TBC1D22A: variants seen among roughly 807,000 people sequenced by gnomAD.
TBC1D22A encodes the protein putative GTPase activator.
A neutral mutation model predicts 60.2 loss-of-function variants in TBC1D22A; 38 were observed. The observed-to-expected ratio is 0.63, with a 90% CI of 0.49 to 0.83. The LOEUF is 0.83. Ranked by LOEUF, TBC1D22A falls within the 40% of genes least tolerant of loss-of-function variation. TBC1D22A has a pLI of 0.00. For synonymous variants in TBC1D22A, 302 were observed against 281.7 expected (o/e 1.07, Z -0.72); for missense variants, 628 against 701.0 (o/e 0.90, Z 1.18).
chr22:46,997,235 T>C (rs149522024), intron 9 of TBC1D22A, among the ~76,000 whole-genome samples: 3 of 152,372 alleles, frequency 2.0e-5, no homozygotes, highest in African/African-American at 7.2e-5. Context: ...TTGCCGTTGG[T>C]TCCCGGCAGG....
intron 10 of TBC1D22A, among the ~76,000 whole-genome samples, chr22:47,011,854 C>G (rs1357774787): frequency 6.6e-6 from 1 of 152,016 alleles, no homozygotes; most frequent in East Asian, 1.9e-4. Context: ...ACCAGTGCAG[C>G]CTATGCTGCT....
At chr22:46,999,064 C>T (rs1357173597) in intron 10 of TBC1D22A, among the ~76,000 whole-genome samples, 1 of 152,164 alleles carries the variant, frequency 6.6e-6, no homozygotes, top group African/African-American at 2.4e-5. Flanking sequence ...TGAGCAGGTT[C>T]CTCCTTTTCC....
intron 1 of TBC1D22A, among the ~76,000 whole-genome samples, chr22:46,770,080 G>C (rs1008922818): frequency 6.6e-6 from 1 of 152,178 alleles, no homozygotes; most frequent in Admixed American, 6.5e-5. Flanking sequence ...CCTGAAATGG[G>C]GGAATTGTCC....
At chr22:47,137,858 G>A (rs375012143) in intron 12 of TBC1D22A, among the ~76,000 whole-genome samples, 6 of 152,208 alleles carry the variant, frequency 3.9e-5, no homozygotes, top group South Asian at 2.1e-4. Context: ...GCGGGGAGCC[G>A]GGAGTGGGGA....
At chr22:46,824,806 C>G (rs2085978928) in intron 4 of TBC1D22A, among the ~76,000 whole-genome samples, 1 of 151,944 alleles carries the variant, frequency 6.6e-6, no homozygotes, top group Non-Finnish European at 1.5e-5. Flanking sequence ...TCAGGAGTGG[C>G]TGTTGAGGAT....
In TBC1D22A at chr22:46,933,178, A is replaced by G. The variant is rs2071452008; in HGVS notation, c.1015+20990A>G. Among the ~76,000 whole-genome samples the G allele has an allele frequency of 2.0e-5, 3 of 152,258 alleles. No individual in the cohort carries two copies. In the South Asian group the frequency reaches 6.2e-4, roughly 32 times the overall value. ...CTTCCATTCCTATCTTTGAGCTGTT[A>G]GGATCCATCAGCAGTTCTAGCAGGT... On this transcript the variant is annotated intron_variant, in intron 8 of 12. Transcript: ENST00000337137.
chr22:46,897,961 A>G (rs2068775132), intron 7 of TBC1D22A, among the ~76,000 whole-genome samples: 1 of 152,324 alleles, frequency 6.6e-6, no homozygotes, highest in East Asian at 1.9e-4. Flanking sequence ...GTAGAATACA[A>G]AAAGAGAAAA....
intron 12 of TBC1D22A, among the ~76,000 whole-genome samples, chr22:47,129,347 C>A (rs919131562): frequency 1.3e-5 from 2 of 152,170 alleles, no homozygotes; most frequent in Admixed American, 1.3e-4. Flanking sequence ...CGTGGTAGCA[C>A]GTGCCTGTAA....
At chr22:46,858,967 CGATAGAGGT>C in intron 4 of TBC1D22A, among the ~76,000 whole-genome samples, 1 of 148,334 alleles carries the variant, frequency 6.7e-6, no homozygotes, top group South Asian at 2.1e-4. Context: ...GAATCCTTTT[CGATAGAGGT>C]CTGTGTAGTG....
chr22:46,796,650 G>A (rs2084666687), intron 3 of TBC1D22A, among the ~76,000 whole-genome samples: 1 of 151,316 alleles, frequency 6.6e-6, no homozygotes, highest in Non-Finnish European at 1.5e-5. Context: ...GGGTTGCTGG[G>A]TGGAACGTGC....
In TBC1D22A at chr22:46,876,829, G is replaced by C. The variant is rs139119254; in HGVS notation, c.638-1824G>C. On this transcript the variant is annotated intron_variant, in intron 4 of 12. Transcript: ENST00000337137. ...CCCCAGGGCTGCTGCAGGGAAGCAT[G>C]GTTACTTTGCACAGCTGGGATTCTG... Among the ~76,000 whole-genome samples, 365 of 152,312 alleles carry C rather than the reference G, an allele frequency of 2.4e-3. 5 individuals are homozygous for C. The South Asian group carries it at 0.026, about 11-fold the overall frequency.
intron 8 of TBC1D22A, among the ~76,000 whole-genome samples, chr22:46,946,304 G>C (rs563038086): frequency 6.6e-6 from 1 of 152,340 alleles, no homozygotes; most frequent in Admixed American, 6.5e-5. Context: ...GTGGAATAGA[G>C]CTGGCCAGCA....
At chr22:46,839,868 GT>G in intron 4 of TBC1D22A, among the ~76,000 whole-genome samples, 1 of 152,320 alleles carries the variant, frequency 6.6e-6, no homozygotes, top group Non-Finnish European at 1.5e-5. Context: ...TTTTCAATAA[GT>G]TTGTTGGGAA....
At chr22:47,011,723 A>T (rs1209801655) in intron 10 of TBC1D22A, among the ~76,000 whole-genome samples, 1 of 152,156 alleles carries the variant, frequency 6.6e-6, no homozygotes, top group Non-Finnish European at 1.5e-5. Context: ...CCAGATGTTT[A>T]TGATTTTCTT....
At chr22:46,892,211 C>T (rs1025859068) in intron 6 of TBC1D22A, among the ~76,000 whole-genome samples, 4 of 151,970 alleles carry the variant, frequency 2.6e-5, no homozygotes, top group African/African-American at 7.3e-5. Flanking sequence ...CTCTGCAAAC[C>T]CTGCTTCTAG....
chr22:47,124,462 A>G (rs2066381217), intron 12 of TBC1D22A, among the ~76,000 whole-genome samples: 1 of 152,196 alleles, frequency 6.6e-6, no homozygotes, highest in East Asian at 1.9e-4. Context: ...CCTGGGACGC[A>G]TTGGGACCTT....
At chr22:47,022,228 A>T (rs778348507) in intron 10 of TBC1D22A, among the ~76,000 whole-genome samples, 8 of 152,198 alleles carry the variant, frequency 5.3e-5, no homozygotes, top group Non-Finnish European at 1.2e-4. Flanking sequence ...GTTTTCAGGG[A>T]GCTGACTCAC....
chr22:47,036,390 G>T (rs559692388), intron 10 of TBC1D22A, among the ~76,000 whole-genome samples: 45 of 152,186 alleles, frequency 3.0e-4, no homozygotes, highest in African/African-American at 9.2e-4. Context: ...CAGGGAGCAC[G>T]GGGTCTGAGC....
intron 1 of TBC1D22A, 108 bp from the exon 2 acceptor site, chr22:46,792,412 T>A: frequency 6.7e-7 from 1 of 1,481,914 alleles, no homozygotes; most frequent in Non-Finnish European, 9.4e-7. Context: ...AGGAGCTGCT[T>A]CCTTCAGTCC....
Sources: allele counts gnomAD v4.1 joint callset (sites outside exome capture counted in the v4.1 genomes callset), GRCh38; gene constraint gnomAD v4.1.1; transcripts MANE v1.5; gene names NCBI Gene and HGNC (gene_info 2026-07-23, HGNC 2026-07-21).